CHRDL1: variants seen among roughly 807,000 people sequenced by gnomAD.
The protein encoded by CHRDL1 is chordin-like protein 1.
A neutral mutation model predicts 40.9 loss-of-function variants in CHRDL1; 19 were observed. The ratio of observed to expected loss-of-function variants is 0.46; its 90% CI spans 0.32 to 0.68. The LOEUF (loss-of-function observed/expected upper bound fraction) is 0.68. CHRDL1 is among the 30% of genes least tolerant of loss of function. CHRDL1 has a pLI of 0.03. For synonymous variants in CHRDL1, 136 were observed against 123.4 expected, an observed-to-expected ratio of 1.10 and a Z score of -0.68; for missense variants, 329 against 352.1, an observed-to-expected ratio of 0.93 and a Z score of 0.53.
In CHRDL1 at chrX:110,783,187, G is replaced by C. The variant is rs981203970; in HGVS notation, c.94+8901C>G. On this transcript the variant is annotated intron_variant, in intron 2 of 11. Transcript: ENST00000372042. Reference sequence around the variant, plus strand: ...TTGTTGTCCAGGCTGGAGTGCAATGGCACAATCTTGACTCACTGCAACCTC... The same window carrying C: ...TTGTTGTCCAGGCTGGAGTGCAATGCCACAATCTTGACTCACTGCAACCTC... 4.5e-5 allele frequency among the ~76,000 whole-genome samples: 5 copies of C among 111,934 alleles called. No individual in the cohort carries two copies. The Admixed American group carries it at 4.7e-4, about 11-fold the overall frequency.
At chrX:110,700,295 T>C (rs1368016859) in intron 7 of CHRDL1, among the ~76,000 whole-genome samples, 2 of 111,494 alleles carry the variant, frequency 1.8e-5, no homozygotes, top group African/African-American at 6.5e-5. Flanking sequence ...ACCAAAAAGA[T>C]GGTTGTATCC....
rs140943972 is a variant in CHRDL1, at chrX:110,756,251, G to A, written c.301+3410C>T. The stretch of plus-strand genomic sequence containing the variant: ...TCAGAAACACAAAAAAACTCTTCGT[G>A]GAATAAAATATAGAAGGAAAGTACA... On this transcript the variant is annotated intron_variant, in intron 4 of 11. Transcript: ENST00000372042. Among the ~76,000 whole-genome samples the A allele has an allele frequency of 6.9e-3, 776 of 111,768 alleles. 7 individuals are homozygous for A. The highest frequency in any genetic ancestry group is 0.01 in the Non-Finnish European group (539 of 53,142).
intron 6 of CHRDL1, among the ~76,000 whole-genome samples, chrX:110,704,461 G>A (rs1267606944): frequency 9.0e-6 from 1 of 111,483 alleles, no homozygotes; most frequent in Non-Finnish European, 1.9e-5. Context: ...GGAGTAACTC[G>A]AATGCAGGAG....
chrX:110,686,464 C>T (rs1468367115), intron 9 of CHRDL1, among the ~76,000 whole-genome samples: 2 of 111,290 alleles, frequency 1.8e-5, no homozygotes, highest in African/African-American at 6.5e-5. Flanking sequence ...TGTTGCATTA[C>T]TTTTTAAACT....
intron 6 of CHRDL1, among the ~76,000 whole-genome samples, chrX:110,705,326 CACACATATATAT>C (rs1388061078): frequency 3.1e-5 from 1 of 32,726 alleles, no homozygotes; most frequent in East Asian, 8.4e-4. Flanking sequence ...TATATATATA[CACACATATATAT>C]ACACATATAT....
intron 4 of CHRDL1, among the ~76,000 whole-genome samples, chrX:110,726,057 T>C (rs181043025): frequency 9.0e-6 from 1 of 110,862 alleles, no homozygotes; most frequent in Admixed American, 9.5e-5. Context: ...CAGAAATATA[T>C]GGGAAGAGAG....
At chrX:110,727,433 C>T (rs893580197) in intron 4 of CHRDL1, among the ~76,000 whole-genome samples, 7 of 112,177 alleles carry the variant, frequency 6.2e-5, no homozygotes, top group Non-Finnish European at 1.1e-4. Context: ...TGCCATAAGA[C>T]ACTGTAAAAC....
rs2069776638 is a variant in CHRDL1, at chrX:110,676,317, T to C, written c.1291A>G (p.Met431Val). The C allele has an allele frequency of 8.3e-7, 1 of 1,208,017 alleles. No individual in the cohort carries two copies. The highest frequency in any genetic ancestry group is 1.1e-6 in the Non-Finnish European group (1 of 893,574). ...GTTCTGCATACACGACTTGAACACA[T>C]CTGGCTGATCTGAGCTTCTCCTTCG... ...FTEGEAQISQ[M>V]CSSRVCRTEL... Residue 431 changes from methionine to valine, a missense_variant, in exon 12 of 12, where the codon ATG becomes GTG. Met to Val is a conservative substitution (Grantham distance 21). Transcript: ENST00000372042.
At chrX:110,751,650 G>A (rs1190678888) in intron 4 of CHRDL1, among the ~76,000 whole-genome samples, 2 of 112,090 alleles carry the variant, frequency 1.8e-5, no homozygotes, top group Non-Finnish European at 3.8e-5. Flanking sequence ...GTGGAGAAAA[G>A]GGAACTCATA....
chrX:110,788,267 A>G (rs1314665411), intron 2 of CHRDL1, among the ~76,000 whole-genome samples: 1 of 112,229 alleles, frequency 8.9e-6, no homozygotes, highest in African/African-American at 3.2e-5. Flanking sequence ...ACTATGGCTA[A>G]TTAGCTACCA....
rs137880143 is a variant in CHRDL1 at position 110,756,157 on chromosome X, A to G, written c.301+3504T>C. Among the ~76,000 whole-genome samples the G allele has an allele frequency of 8.1e-3, 906 of 112,145 alleles. 2 individuals are homozygous for G. The highest frequency in any genetic ancestry group is 0.013 in the Non-Finnish European group (717 of 53,244). ...ATGAGAAATCTCCCTGTTATTTTCA[A>G]AACAAAGAGAGATGAAATGTGGAAC... On this transcript the variant is annotated intron_variant, in intron 4 of 11. Transcript: ENST00000372042.
At chrX:110,786,263 T>C in intron 2 of CHRDL1, among the ~76,000 whole-genome samples, 1 of 112,631 alleles carries the variant, frequency 8.9e-6, no homozygotes, top group Non-Finnish European at 1.9e-5. Context: ...ATTCCTTCTA[T>C]TTTCTTCAGA....
intron 4 of CHRDL1, among the ~76,000 whole-genome samples, chrX:110,747,409 AACACAC>A (rs113917102): frequency 3.8e-3 from 347 of 91,231 alleles, no homozygotes; most frequent in African/African-American, 0.013. Flanking sequence ...ATCAAAACAA[AACACAC>A]ACACACACAC....
chrX:110,751,128 T>A (rs1396899112), intron 4 of CHRDL1, among the ~76,000 whole-genome samples: 1 of 111,549 alleles, frequency 9.0e-6, no homozygotes, highest in Non-Finnish European at 1.9e-5. Context: ...GCAGCCTAAA[T>A]GATTCAGGAT....
chrX:110,706,458 C>A (rs1435578541), intron 6 of CHRDL1, among the ~76,000 whole-genome samples: 2 of 111,508 alleles, frequency 1.8e-5, no homozygotes, highest in African/African-American at 6.5e-5. Context: ...TGAGTGGTAC[C>A]CTATGAAGCT....
intron 2 of CHRDL1, among the ~76,000 whole-genome samples, chrX:110,766,719 G>T (rs2089668791): frequency 9.3e-6 from 1 of 107,226 alleles, no homozygotes; most frequent in Non-Finnish European, 1.9e-5. Context: ...ACAAAAAAAA[G>T]TCCAGGACCA....
At chrX:110,754,172 A>T (rs2089410468) in intron 4 of CHRDL1, among the ~76,000 whole-genome samples, 1 of 112,207 alleles carries the variant, frequency 8.9e-6, no homozygotes, top group South Asian at 3.7e-4. Flanking sequence ...TGTTGTCTCT[A>T]TAACTTAGCA....
At chrX:110,739,654 G>A (rs944177960) in intron 4 of CHRDL1, among the ~76,000 whole-genome samples, 6 of 112,085 alleles carry the variant, frequency 5.4e-5, no homozygotes, top group African/African-American at 1.9e-4. Context: ...ACTAAGATTT[G>A]GGGATTGTTA....
At chrX:110,712,295 CG>C (rs1360488619) in intron 6 of CHRDL1, among the ~76,000 whole-genome samples, 2 of 110,983 alleles carry the variant, frequency 1.8e-5, no homozygotes, top group Non-Finnish European at 3.8e-5. Flanking sequence ...GAGTAGGATG[CG>C]AATAGGTAGA....
Sources: allele counts gnomAD v4.1 joint callset (sites outside exome capture counted in the v4.1 genomes callset), GRCh38; gene constraint gnomAD v4.1.1; transcripts MANE v1.5; gene names NCBI Gene and HGNC (gene_info 2026-07-23, HGNC 2026-07-21).